MGA: variants seen among roughly 807,000 people sequenced by gnomAD.
The protein encoded by MGA is MAX gene-associated protein.
Under a neutral mutation model 261.1 loss-of-function variants are expected in MGA, and 40 were observed. The observed-to-expected ratio is 0.15, with a 90% confidence interval of 0.12 to 0.20. The LOEUF (loss-of-function observed/expected upper bound fraction) is 0.20, where lower values mean the gene tolerates loss of function less well. Among genes scored for constraint, MGA ranks in the 10% least tolerant of loss-of-function variants. The probability of loss-of-function intolerance (pLI) is 1.00; values close to 1 mark genes in which losing one functional copy is unlikely to be tolerated. For missense variants in MGA, 3,397 were observed against 3,630.5 expected (o/e 0.94, Z 1.65); for synonymous variants, 1,302 against 1,290.6 (o/e 1.01, Z -0.19).
intron 14 of MGA, among the ~76,000 whole-genome samples, chr15:41,740,842 CTCTT>C (rs1289711690): frequency 6.6e-6 from 1 of 152,160 alleles, no homozygotes; most frequent in African/African-American, 2.4e-5. Context: ...ATGAAAATCT[CTCTT>C]TTCCTTAACA....
chr15:41,717,493 G>T (rs1230657165), intron 9 of MGA, among the ~76,000 whole-genome samples: 1 of 152,126 alleles, frequency 6.6e-6, no homozygotes, highest in Admixed American at 6.5e-5. Flanking sequence ...GCAATATTAT[G>T]AACAACTTTA....
intron 1 of MGA, among the ~76,000 whole-genome samples, chr15:41,666,704 C>G (rs2057760581): frequency 6.6e-6 from 1 of 152,216 alleles, no homozygotes; most frequent in Non-Finnish European, 1.5e-5. Flanking sequence ...TATACATTCT[C>G]TTTTGTGACT....
At chr15:41,658,773 G>C (rs1298955295), upstream of MGA, among the ~76,000 whole-genome samples, 1 of 151,306 alleles carries the variant, frequency 6.6e-6, no homozygotes, top group Non-Finnish European at 1.5e-5. Context: ...TAGGGAAGGA[G>C]TACCAAAAGA....
intron 1 of MGA, among the ~76,000 whole-genome samples, chr15:41,622,006 G>A (rs1428283438): frequency 3.3e-5 from 5 of 151,054 alleles, no homozygotes; most frequent in South Asian, 4.2e-4. Context: ...CACATGACGA[G>A]GTTGGCAGCG....
At chr15:41,702,975 G>C (rs1012510796) in intron 5 of MGA, among the ~76,000 whole-genome samples, 2 of 152,108 alleles carry the variant, frequency 1.3e-5, no homozygotes, top group Non-Finnish European at 2.9e-5. Context: ...TCAGTATCCA[G>C]AATTTCTCCT....
intron 1 of MGA, among the ~76,000 whole-genome samples, chr15:41,626,356 G>A (rs2056451808): frequency 6.6e-6 from 1 of 151,216 alleles, no homozygotes; most frequent in Admixed American, 6.6e-5. Context: ...GGGCTCAAGG[G>A]ATCTTCTTGT....
At chr15:41,758,611 A>G (rs1423431227) in intron 19 of MGA, among the ~76,000 whole-genome samples, 4 of 152,184 alleles carry the variant, frequency 2.6e-5, no homozygotes, top group South Asian at 2.1e-4. Context: ...GCTTATTTAC[A>G]TAATTCATTG....
intron 1 of MGA, among the ~76,000 whole-genome samples, chr15:41,645,754 T>C (rs1281684537): frequency 6.6e-6 from 1 of 152,212 alleles, no homozygotes; most frequent in African/African-American, 2.4e-5. Flanking sequence ...AATGCTGAAC[T>C]TGGAAGATAT....
At position 41,725,554 on chromosome 15, in the gene MGA, C is replaced by T. The variant is rs1488742523; in HGVS notation, c.3431-1626C>T. ...CTCTTAAAAAAATAAATAAGTAGGG[C>T]CGGGCGCGGTGGCTCACGCCTGTAA... On this transcript the variant is annotated intron_variant, in intron 9 of 23. Transcript: ENST00000219905. Among the ~76,000 whole-genome samples, 2 of 54,406 alleles carry T rather than the reference C, an allele frequency of 3.7e-5. 1 individual carries two copies. The highest frequency in any genetic ancestry group is 1.9e-3 in the East Asian group (2 of 1,036). 35.7% of individuals were successfully genotyped at this position (54,406 alleles called of 152,430 possible).
chr15:41,740,617 A>C (rs940510094), intron 14 of MGA, among the ~76,000 whole-genome samples: 1 of 152,172 alleles, frequency 6.6e-6, no homozygotes, highest in Non-Finnish European at 1.5e-5. Context: ...CTAAATTAAA[A>C]ATAGTTTACT....
intron 1 of MGA, among the ~76,000 whole-genome samples, chr15:41,649,957 A>G (rs1444276152): frequency 2.0e-5 from 3 of 152,200 alleles, no homozygotes; most frequent in Non-Finnish European, 2.9e-5. Context: ...CTGGGATTAC[A>G]GGCGTGAGCC....
At chr15:41,748,992 C>T in intron 16 of MGA, 65 bp downstream of exon 16, 1 of 1,557,754 alleles carries the variant, frequency 6.4e-7, no homozygotes. Context: ...TATGTTAATA[C>T]ACCAAGATTG....
chr15:41,728,051 C>T (rs527950912), intron 10 of MGA, among the ~76,000 whole-genome samples: 66 of 152,152 alleles, frequency 4.3e-4, no homozygotes, highest in Admixed American at 1.4e-3. Flanking sequence ...AAGGGTGGGC[C>T]GGGCGCGGTG....
chr15:41,688,833 G>A (rs1381252598), intron 2 of MGA, among the ~76,000 whole-genome samples: 1 of 152,148 alleles, frequency 6.6e-6, no homozygotes, highest in Non-Finnish European at 1.5e-5. Flanking sequence ...AGTTCTGGAG[G>A]CTAGAAAGTC....
At position 41,768,938 on chromosome 15, in the gene MGA, T is replaced by C. The variant is rs1313086771; in HGVS notation, c.*1658T>C. The C allele has an allele frequency of 6.6e-6, 1 of 152,582 alleles. No homozygotes were observed. The highest frequency in any genetic ancestry group is 1.5e-5 in the Non-Finnish European group (1 of 68,044). 9.5% of individuals were successfully genotyped at this position (152,582 alleles called of 1,614,324 possible). On this transcript the variant is annotated 3_prime_UTR_variant, in exon 24 of 24. Coordinates refer to ENST00000219905, the MANE Select transcript of MGA (RefSeq NM_001164273.2). ...AAATTCTTGTTGGTTTTGTGCTGCTTGCCTTTCTAGATCTGCTCATCAGCA... is the reference window on the plus strand; with the variant it reads ...AAATTCTTGTTGGTTTTGTGCTGCTCGCCTTTCTAGATCTGCTCATCAGCA...
intron 20 of MGA, among the ~76,000 whole-genome samples, chr15:41,761,182 G>A (rs958908803): frequency 6.6e-6 from 1 of 152,204 alleles, no homozygotes; most frequent in Admixed American, 6.5e-5. Flanking sequence ...ATAGCACTTA[G>A]TACAGGTTAT....
chr15:41,636,439 C>T (rs1566925664), intron 1 of MGA, among the ~76,000 whole-genome samples: 1 of 150,562 alleles, frequency 6.6e-6, no homozygotes, highest in African/African-American at 2.4e-5. Context: ...ATTACAGGTG[C>T]CTGCCACCAT....
chr15:41,668,056 A>C (rs1001229443), intron 1 of MGA, among the ~76,000 whole-genome samples: 46 of 151,610 alleles, frequency 3.0e-4, no homozygotes, highest in African/African-American at 1.1e-3. Context: ...CACTGGCCTC[A>C]GCCTCTCAAA....
intron 11 of MGA, among the ~76,000 whole-genome samples, chr15:41,731,233 AATT>A (rs1199050579): frequency 1.3e-5 from 2 of 152,128 alleles, no homozygotes; most frequent in African/African-American, 2.4e-5. Context: ...TGACCACTTT[AATT>A]ATAAGTTGTA....
Sources: allele counts gnomAD v4.1 joint callset (sites outside exome capture counted in the v4.1 genomes callset), GRCh38; gene constraint gnomAD v4.1.1; transcripts MANE v1.5; gene names NCBI Gene and HGNC (gene_info 2026-07-23, HGNC 2026-07-21).